AKAP19: variants seen among roughly 807,000 people sequenced by gnomAD.
AKAP19 encodes the protein small A-kinase anchoring protein.
At chr2:190,008,980 G>T in the AKAP19 span, among the ~76,000 whole-genome samples, 1 of 152,016 alleles carries the variant, frequency 6.6e-6, no homozygotes, top group Admixed American at 6.6e-5. Context: ...AAGAATGCAG[G>T]GATGTTCCAT....
At chr2:190,127,831 A>G in the AKAP19 span, among the ~76,000 whole-genome samples, 5 of 152,148 alleles carry the variant, frequency 3.3e-5, no homozygotes, top group African/African-American at 1.2e-4. Flanking sequence ...AGCATGGTAC[A>G]CACAGTGCTG....
the AKAP19 span, among the ~76,000 whole-genome samples, chr2:189,966,206 G>T: frequency 2.0e-5 from 3 of 147,776 alleles, no homozygotes; most frequent in African/African-American, 7.5e-5. Flanking sequence ...TGAGAAGGGG[G>T]TGAGGGAAAA....
At chr2:189,888,561 TC>T in the AKAP19 span, among the ~76,000 whole-genome samples, 1 of 152,246 alleles carries the variant, frequency 6.6e-6, no homozygotes, top group African/African-American at 2.4e-5. Context: ...TATTGATTCT[TC>T]CTATTCATGA....
At chr2:190,115,155 G>A in the AKAP19 span, among the ~76,000 whole-genome samples, 1 of 66,800 alleles carries the variant, frequency 1.5e-5, no homozygotes, top group Non-Finnish European at 3.7e-5. Flanking sequence ...GTGTGTGTGA[G>A]TGTGTGTGTG....
chr2:190,202,294 A>G, the AKAP19 span: 2 of 167,062 alleles, frequency 1.2e-5, no homozygotes, highest in African/African-American at 2.4e-5. Context: ...CTTCTGTACA[A>G]TATTTCTGAA....
the AKAP19 span, among the ~76,000 whole-genome samples, chr2:189,906,748 A>C: frequency 6.6e-6 from 1 of 152,260 alleles, no homozygotes; most frequent in African/African-American, 2.4e-5. Flanking sequence ...TAATATGTCT[A>C]ACTTTTTGGT....
At chr2:189,891,833 A>G in the AKAP19 span, among the ~76,000 whole-genome samples, 3 of 152,008 alleles carry the variant, frequency 2.0e-5, no homozygotes, top group East Asian at 1.9e-4. Flanking sequence ...GTGTTTTCCA[A>G]CTTGGTTCTG....
chr2:189,932,547 T>G, the AKAP19 span, among the ~76,000 whole-genome samples: 1 of 151,674 alleles, frequency 6.6e-6, no homozygotes, highest in South Asian at 2.1e-4. Flanking sequence ...TCCCTTCTCC[T>G]TTATTTACTA....
chr2:190,171,003 T>C, the AKAP19 span, among the ~76,000 whole-genome samples: 2 of 152,200 alleles, frequency 1.3e-5, no homozygotes, highest in African/African-American at 4.8e-5. Flanking sequence ...AATTTAACTA[T>C]CTGATGGGCT....
the AKAP19 span, among the ~76,000 whole-genome samples, chr2:190,032,823 C>T: frequency 6.6e-6 from 1 of 152,038 alleles, no homozygotes; most frequent in East Asian, 1.9e-4. Context: ...AGTTCCATTT[C>T]CCTACATTCT....
the AKAP19 span, among the ~76,000 whole-genome samples, chr2:190,140,587 C>T: frequency 1.3e-5 from 2 of 152,214 alleles, no homozygotes; most frequent in South Asian, 4.1e-4. Flanking sequence ...GCCATGGCCA[C>T]ACTGTACCTT....
chr2:189,962,570 A>G, the AKAP19 span, among the ~76,000 whole-genome samples: 2 of 152,190 alleles, frequency 1.3e-5, no homozygotes, highest in Non-Finnish European at 2.9e-5. Flanking sequence ...CAATTGAAAA[A>G]CTTTTAGATC....
chr2:190,116,397 G>A, the AKAP19 span, among the ~76,000 whole-genome samples: 3 of 152,128 alleles, frequency 2.0e-5, no homozygotes, highest in Non-Finnish European at 2.9e-5. Context: ...CTCTTTTATA[G>A]TCATCATTTA....
the AKAP19 span, among the ~76,000 whole-genome samples, chr2:189,918,486 G>A: frequency 1.3e-5 from 2 of 152,216 alleles, no homozygotes; most frequent in East Asian, 3.9e-4. Context: ...ACACTCACTA[G>A]TATGAGTATA....
chr2:189,975,074 A>C, the AKAP19 span, among the ~76,000 whole-genome samples: 3 of 152,138 alleles, frequency 2.0e-5, no homozygotes, highest in Non-Finnish European at 4.4e-5. Context: ...TCTTCCTAGC[A>C]CTGATGGTCT....
At chr2:190,144,393 A>G in the AKAP19 span, among the ~76,000 whole-genome samples, 1 of 152,130 alleles carries the variant, frequency 6.6e-6, no homozygotes, top group African/African-American at 2.4e-5. Context: ...TTATTCAGAT[A>G]TCTTTGCTCT....
the AKAP19 span, among the ~76,000 whole-genome samples, chr2:189,900,479 A>C: frequency 4.6e-5 from 7 of 152,342 alleles, no homozygotes; most frequent in East Asian, 5.8e-4. Flanking sequence ...CAAATAAAAT[A>C]TCCAAATAAA....
chr2:189,923,368 T>G, the AKAP19 span: 1 of 1,612,608 alleles, frequency 6.2e-7, no homozygotes, highest in African/African-American at 1.3e-5. Context: ...AGACAGATCC[T>G]CGTTCCATGA....
At chr2:190,190,514 T>C in the AKAP19 span, among the ~76,000 whole-genome samples, 1 of 152,230 alleles carries the variant, frequency 6.6e-6, no homozygotes, top group African/African-American at 2.4e-5. Context: ...GCTATGGATA[T>C]TGGTATACAG....
Sources: allele counts gnomAD v4.1 joint callset (sites outside exome capture counted in the v4.1 genomes callset), GRCh38; gene constraint gnomAD v4.1.1; transcripts MANE v1.5; gene names NCBI Gene and HGNC (gene_info 2026-07-23, HGNC 2026-07-21).